The following ZNF407 variants were observed in gnomAD, a reference collection of about 807,000 sequenced individuals.
ZNF407 encodes zinc finger protein 407.
ZNF407 carries 17 observed loss-of-function variants against 131.2 expected under a neutral mutation model. The observed-to-expected ratio is 0.13, with a 90% CI of 0.09 to 0.19. The LOEUF is 0.19. Ranked by LOEUF, ZNF407 falls within the 10% of genes least tolerant of loss-of-function variation. The pLI is 1.00. For missense variants in ZNF407, 2,681 were observed against 2,830.6 expected, an observed-to-expected ratio of 0.95 and a Z score of 1.20; for synonymous variants, 1,156 against 1,062.0, an observed-to-expected ratio of 1.09 and a Z score of -1.72.
chr18:74,705,482 T>G (rs1419179350), intron 3 of ZNF407, among the ~76,000 whole-genome samples: 27 of 152,212 alleles, frequency 1.8e-4, no homozygotes, highest in Non-Finnish European at 1.5e-5. Flanking sequence ...CTTATTCAGA[T>G]AGATAATAAT....
Position 74,850,710 on chromosome 18 carries a change from G to A in ZNF407, c.4878-26487G>A, listed in dbSNP as rs571669225. On this transcript the variant is annotated intron_variant, in intron 4 of 8. Coordinates refer to ENST00000299687, the MANE Select transcript of ZNF407 (RefSeq NM_017757.3). ...TCTATTAGAAAAGTTTCCTCTCACT[G>A]TTCAGTTTCAAATGGTACTCCACAC... is the stretch of plus-strand genomic sequence containing the variant. 7.0e-4 allele frequency among the ~76,000 whole-genome samples: 106 copies of A among 152,194 alleles called. 2 individuals carry two copies. Among genetic ancestry groups the A allele is most frequent in the African/African-American group, 2.5e-3 (104 of 41,534 alleles).
intron 1 of ZNF407, among the ~76,000 whole-genome samples, chr18:74,600,609 C>A (rs1599117520): frequency 6.6e-6 from 1 of 152,044 alleles, no homozygotes; most frequent in South Asian, 2.1e-4. Flanking sequence ...AACCACTGAA[C>A]CTGGCAAGCT....
chr18:74,932,457 C>T (rs1033543719), intron 8 of ZNF407, among the ~76,000 whole-genome samples: 1 of 152,136 alleles, frequency 6.6e-6, no homozygotes, highest in Non-Finnish European at 1.5e-5. Context: ...TGTGCATTTC[C>T]CCTCAGCTTC....
intron 4 of ZNF407, among the ~76,000 whole-genome samples, chr18:74,791,187 C>G (rs1969819209): frequency 6.6e-6 from 1 of 152,174 alleles, no homozygotes; most frequent in African/African-American, 2.4e-5. Context: ...TTAGTCCTTT[C>G]AAGAACATTA....
At chr18:74,916,781 A>AGTGTGTGT (rs375090606) in intron 7 of ZNF407, among the ~76,000 whole-genome samples, 8,755 of 87,898 alleles carry the variant, frequency 0.1, 722 homozygotes, top group Middle Eastern at 0.23. Context: ...TCGAATCGGG[A>AGTGTGTGT]GTGTGTGTGT....
chr18:74,888,991 A>G (rs920895695), intron 6 of ZNF407, among the ~76,000 whole-genome samples: 4 of 152,166 alleles, frequency 2.6e-5, no homozygotes, highest in Non-Finnish European at 5.9e-5. Context: ...TGGTGGTCCT[A>G]TGAGGTTATA....
intron 4 of ZNF407, among the ~76,000 whole-genome samples, chr18:74,793,398 C>T (rs1001785021): frequency 4.6e-5 from 7 of 152,100 alleles, no homozygotes; most frequent in Non-Finnish European, 1.0e-4. Flanking sequence ...TGTCTTGAGG[C>T]GTGATCATGA....
intron 4 of ZNF407, among the ~76,000 whole-genome samples, chr18:74,854,080 C>A (rs900888370): frequency 3.3e-5 from 5 of 152,112 alleles, no homozygotes; most frequent in Non-Finnish European, 7.3e-5. Context: ...GGCCCAGCCT[C>A]TCTGACTGCT....
In ZNF407 at chr18:74,613,283, T is replaced by C. The variant is rs560194730; in HGVS notation, c.-54+15346T>C. Among the ~76,000 whole-genome samples, 21 of 110,966 alleles carry C rather than the reference T, an allele frequency of 1.9e-4. No individual in the cohort carries two copies. The South Asian group carries it at 4.4e-3, about 23-fold the overall frequency. The allele number at this position is 110,966 out of a possible 152,430, so 72.8% of individuals were successfully genotyped here. A position where few individuals can be genotyped will look rare whatever the true frequency, so the allele number is the denominator to read the frequency against. ...GTTTTCTTTTGTCATATTTATCTTA[T>C]ATTATGGGACTTTTTCTTAGATCAG... On this transcript the variant is annotated intron_variant, in intron 1 of 8. Transcript: ENST00000299687.
At chr18:74,599,514 C>T (rs1982483687) in intron 1 of ZNF407, among the ~76,000 whole-genome samples, 1 of 152,116 alleles carries the variant, frequency 6.6e-6, no homozygotes, top group Non-Finnish European at 1.5e-5. Flanking sequence ...TGAATAGACA[C>T]ATAAATAAAT....
chr18:74,613,202 A>G (rs1421873472), intron 1 of ZNF407, among the ~76,000 whole-genome samples: 1 of 152,242 alleles, frequency 6.6e-6, no homozygotes, highest in African/African-American at 2.4e-5. Context: ...GCTAAAAAGC[A>G]GGGGCACATT....
chr18:74,880,944 A>C (rs987160404), intron 5 of ZNF407, 92 bp from the exon 6 acceptor site: 1 of 1,044,028 alleles, frequency 9.6e-7, no homozygotes, highest in Admixed American at 2.0e-5. Flanking sequence ...GAAACATTTG[A>C]TTGGAGGAAT....
intron 4 of ZNF407, chr18:74,804,580 A>T: frequency 4.1e-6 from 4 of 985,484 alleles, no homozygotes; most frequent in African/African-American, 1.7e-5. Flanking sequence ...TCACAATGGT[A>T]CTATACATCT....
intron 1 of ZNF407, among the ~76,000 whole-genome samples, chr18:74,625,335 TGTG>T (rs1475754118): frequency 7.3e-6 from 1 of 136,304 alleles, no homozygotes; most frequent in Non-Finnish European, 1.5e-5. Flanking sequence ...TCTAAGCAAA[TGTG>T]TGTGTGTGTG....
intron 8 of ZNF407, among the ~76,000 whole-genome samples, chr18:74,980,465 G>A (rs146805091): frequency 0.03 from 4,574 of 151,898 alleles, 264 homozygotes; most frequent in African/African-American, 0.1. Flanking sequence ...TACCACGCCC[G>A]GCTAATTTTT....
intron 5 of ZNF407, among the ~76,000 whole-genome samples, chr18:74,878,298 T>A (rs907540050): frequency 2.0e-5 from 3 of 152,150 alleles, no homozygotes; most frequent in African/African-American, 7.2e-5. Flanking sequence ...GGAAAAAAAA[T>A]AATACATTTT....
At chr18:74,919,679 C>CA (rs150935832) in intron 7 of ZNF407, among the ~76,000 whole-genome samples, 1,660 of 152,224 alleles carry the variant, frequency 0.011, 26 homozygotes, top group African/African-American at 0.037. Context: ...CTAAAAATGA[C>CA]AAAGACAAAA....
chr18:74,912,163 G>C (rs752473759), intron 7 of ZNF407, among the ~76,000 whole-genome samples: 1 of 152,146 alleles, frequency 6.6e-6, no homozygotes, highest in Non-Finnish European at 1.5e-5. Flanking sequence ...GCTCTCTGCT[G>C]TTTGGTTTAT....
intron 3 of ZNF407, among the ~76,000 whole-genome samples, chr18:74,679,057 T>G (rs954252408): frequency 3.3e-5 from 5 of 151,796 alleles, no homozygotes; most frequent in African/African-American, 9.7e-5. Context: ...GGAAATAATC[T>G]GTGTGGGGAC....
Sources: gnomAD v4.1 joint callset for allele counts (sites outside exome capture counted in the v4.1 genomes callset) on GRCh38, gnomAD v4.1.1 for gene constraint, MANE v1.5 for transcripts, NCBI Gene and HGNC (gene_info 2026-07-23, HGNC 2026-07-21) for gene names.